XYLB: variants seen among roughly 807,000 people sequenced by gnomAD.
The protein encoded by XYLB is xylulokinase, also known as xylulose kinase.
A neutral mutation model predicts 78.7 loss-of-function variants in XYLB; 62 were observed. The ratio of observed to expected loss-of-function variants is 0.79; its 90% CI spans 0.64 to 0.97. XYLB has a LOEUF of 0.97. Ranked by LOEUF, XYLB falls within the 50% of genes least tolerant of loss-of-function variation. The pLI, the probability that XYLB is intolerant of heterozygous loss-of-function variation, is 0.00. For synonymous variants in XYLB, 245 were observed against 247.4 expected (o/e 0.99, Z 0.09); for missense variants, 687 against 676.8 (o/e 1.02, Z -0.17).
At chr3:38,352,158 A>G (rs1437549144) in intron 2 of XYLB, among the ~76,000 whole-genome samples, 1 of 46,740 alleles carries the variant, frequency 2.1e-5, no homozygotes. Context: ...ATTGCACTTA[A>G]TATGTAACTC....
At chr3:38,392,195 C>A (rs892019874) in intron 15 of XYLB, among the ~76,000 whole-genome samples, 1 of 152,196 alleles carries the variant, frequency 6.6e-6, no homozygotes, top group African/African-American at 2.4e-5. Flanking sequence ...CATATCCCCA[C>A]CAACACTTAA....
chr3:38,397,169 TGGAG>T lies in XYLB; in HGVS notation c.1438+15_1438+18del, dbSNP rs1169499449. The T allele has an allele frequency of 1.2e-6, 2 of 1,613,616 alleles. No homozygotes were observed. Among genetic ancestry groups the T allele is most frequent in the Non-Finnish European group, 1.7e-6 (2 of 1,179,756 alleles). Reference sequence around the variant, plus strand: ...TACCGAGCTTTTCATGGTAGGTTGATGGAGGGAGACAGCTATCTCTGGAAGTGGC... The same window carrying T: ...TACCGAGCTTTTCATGGTAGGTTGATGGAGACAGCTATCTCTGGAAGTGGC... On this transcript the variant is annotated intron_variant, in intron 17 of 18. Transcript: ENST00000207870.
intron 18 of XYLB, among the ~76,000 whole-genome samples, chr3:38,412,686 T>A (rs1164362814): frequency 1.3e-5 from 2 of 152,168 alleles, no homozygotes; most frequent in East Asian, 3.8e-4. Flanking sequence ...CTCACCAGAA[T>A]TTTTTTGAAA....
chr3:38,401,648 C>A (rs1278329909), intron 18 of XYLB, among the ~76,000 whole-genome samples: 1 of 152,174 alleles, frequency 6.6e-6, no homozygotes, highest in Non-Finnish European at 1.5e-5. Flanking sequence ...GCCTTTATAC[C>A]CCATGTCAAT....
intron 2 of XYLB, chr3:38,355,667 G>C: frequency 1.4e-6 from 1 of 699,966 alleles, no homozygotes; most frequent in South Asian, 1.5e-5. Flanking sequence ...ATGTGATCAG[G>C]CCTCTAAAAG....
intron 18 of XYLB, among the ~76,000 whole-genome samples, chr3:38,401,271 A>G (rs1209302601): frequency 6.6e-6 from 1 of 152,134 alleles, no homozygotes; most frequent in Non-Finnish European, 1.5e-5. Context: ...TATAAAAGCT[A>G]CTGAAAGGAT....
the XYLB span, among the ~76,000 whole-genome samples, chr3:38,444,185 G>A: frequency 3.9e-5 from 6 of 152,258 alleles, no homozygotes; most frequent in East Asian, 1.2e-3. Flanking sequence ...TACCTATCAA[G>A]ATCATCTGAA....
At chr3:38,433,828 T>A in the XYLB span, among the ~76,000 whole-genome samples, 16 of 152,202 alleles carry the variant, frequency 1.1e-4, no homozygotes, top group African/African-American at 3.9e-4. Flanking sequence ...CTTACCCAGT[T>A]CCAAAGTTGC....
chr3:38,373,237 A>T (rs1706669181), intron 10 of XYLB, among the ~76,000 whole-genome samples: 1 of 152,076 alleles, frequency 6.6e-6, no homozygotes, highest in South Asian at 2.1e-4. Flanking sequence ...GTAGCCCTGA[A>T]GCCACTCCTG....
chr3:38,439,279 GT>G, the XYLB span, among the ~76,000 whole-genome samples: 1 of 152,186 alleles, frequency 6.6e-6, no homozygotes, highest in Non-Finnish European at 1.5e-5. Context: ...CTCAGTAGAA[GT>G]TGTTAATTGA....
chr3:38,395,518 G>T lies in XYLB; in HGVS notation c.1305G>T (p.Lys435Asn), dbSNP rs1351795224. 2 of 1,614,088 alleles carry T rather than the reference G, an allele frequency of 1.2e-6. No homozygotes were observed. The highest frequency in any genetic ancestry group is 4.5e-5 in the East Asian group (2 of 44,892). Reference protein sequence around the residue: ...GLGYRVMSKTKILATGGASHN... With the variant: ...GLGYRVMSKTNILATGGASHN... ...TTTCCCTTGCAGTGTCCAAGACAAA[G>T]ATTTTGGCCACAGGAGGAGCATCTC... Residue 435 changes from lysine to asparagine, a missense_variant, in exon 16 of 19, where the codon AAG becomes AAT. By Grantham distance (94) the Lys-to-Asn change is moderately conservative (BLOSUM62 0). Transcript: ENST00000207870.
At chr3:38,360,785 G>A (rs1352123374) in intron 3 of XYLB, among the ~76,000 whole-genome samples, 14 of 152,216 alleles carry the variant, frequency 9.2e-5, no homozygotes, top group Non-Finnish European at 5.9e-5. Flanking sequence ...TGTAATCCCA[G>A]CACTTTGGGA....
chr3:38,428,997 G>C, the XYLB span, among the ~76,000 whole-genome samples: 3 of 152,232 alleles, frequency 2.0e-5, no homozygotes, highest in African/African-American at 7.2e-5. Flanking sequence ...TTGACAGATA[G>C]CTTTCTGCTG....
At chr3:38,374,220 TC>T (rs1706725009) in intron 10 of XYLB, among the ~76,000 whole-genome samples, 1 of 152,060 alleles carries the variant, frequency 6.6e-6, no homozygotes, top group Non-Finnish European at 1.5e-5. Flanking sequence ...TTGGACCCCT[TC>T]AGGGAAGAGA....
the XYLB span, among the ~76,000 whole-genome samples, chr3:38,444,936 T>A: frequency 6.6e-6 from 1 of 152,054 alleles, no homozygotes; most frequent in Non-Finnish European, 1.5e-5. Context: ...AAGGTCGGAT[T>A]TAGTGGCCCT....
chr3:38,367,595 A>G (rs1460653766), intron 7 of XYLB, among the ~76,000 whole-genome samples: 1 of 152,198 alleles, frequency 6.6e-6, no homozygotes, highest in Non-Finnish European at 1.5e-5. Flanking sequence ...GTGTGGAACG[A>G]AGTTTGCCTG....
rs1208751668 is a variant in XYLB at position 38,406,900 on chromosome 3, C to T, written c.1533+5915C>T. On this transcript the variant is annotated intron_variant, in intron 18 of 18. Transcript: ENST00000207870. ...GGACTATGTGAAAAGACCAAATCTA[C>T]GTCTGATTGGTGTACCTGAAAGTGA... Among the ~76,000 whole-genome samples, 7 of 151,918 alleles carry T rather than the reference C, an allele frequency of 4.6e-5. No homozygotes were observed. The East Asian group carries it at 1.2e-3, about 25-fold the overall frequency.
chr3:38,408,066 A>G (rs1708406061), intron 18 of XYLB, among the ~76,000 whole-genome samples: 1 of 151,556 alleles, frequency 6.6e-6, no homozygotes, highest in Non-Finnish European at 1.5e-5. Flanking sequence ...TCCACCCCAA[A>G]TCAACAGAAT....
downstream of XYLB, among the ~76,000 whole-genome samples, chr3:38,417,938 T>A (rs953894075): frequency 2.7e-5 from 4 of 148,864 alleles, no homozygotes; most frequent in Admixed American, 6.7e-5. Context: ...ATGTCTGTAA[T>A]CCTAGAACTT....
Sources: gnomAD v4.1 joint callset for allele counts (sites outside exome capture counted in the v4.1 genomes callset) on GRCh38, gnomAD v4.1.1 for gene constraint, MANE v1.5 for transcripts, NCBI Gene and HGNC (gene_info 2026-07-23, HGNC 2026-07-21) for gene names.